Variants in ATG2B observed in about 807,000 individuals in gnomAD.
The protein encoded by ATG2B is autophagy related 2B.
Under a neutral mutation model 241.3 loss-of-function variants are expected in ATG2B, and 121 were observed. The ratio of observed to expected loss-of-function variants is 0.50; its 90% CI spans 0.43 to 0.58. The LOEUF is 0.58. Ranked by LOEUF, ATG2B falls within the 20% of genes least tolerant of loss-of-function variation. ATG2B has a pLI of 0.00. For synonymous variants in ATG2B, 858 were observed against 876.6 expected (o/e 0.98, Z 0.37); for missense variants, 2,306 against 2,491.6 (o/e 0.93, Z 1.59).
chr14:96,292,716 A>C (rs1340178866), intron 36 of ATG2B, among the ~76,000 whole-genome samples: 3 of 152,224 alleles, frequency 2.0e-5, no homozygotes, highest in African/African-American at 7.2e-5. Context: ...CCTTGAAACT[A>C]ATGATTCTAA....
intron 16 of ATG2B, among the ~76,000 whole-genome samples, chr14:96,323,157 G>A (rs1292277265): frequency 3.3e-5 from 5 of 152,020 alleles, no homozygotes; most frequent in Non-Finnish European, 5.9e-5. Context: ...AAGGGAAAAG[G>A]GAGAAGCTGA....
At position 96,362,909 on chromosome 14, in the gene ATG2B, C is replaced by T; in HGVS notation, c.68G>A (p.Gly23Asp). Residue 23 changes from glycine to aspartate, a missense_variant, in exon 1 of 42, where the codon GGC (glycine) becomes GAC (aspartate). This residue lies in a region of ATG2B where 1,927 missense variants were observed against 2,011.2 expected (regional missense o/e 0.96). Transcript: ENST00000359933. Reference sequence around the variant, plus strand: ...GCTCAGCTTCTCCTGCAGAAAGTGGCCCAGGTACCTCTGCAGGAGGTACCG... The same window carrying T: ...GCTCAGCTTCTCCTGCAGAAAGTGGTCCAGGTACCTCTGCAGGAGGTACCG... ...ACRYLLQRYL[G>D]HFLQEKLSLE... The T allele has an allele frequency of 6.2e-7, 1 of 1,613,656 alleles. No individual in the cohort carries two copies. Among genetic ancestry groups the T allele is most frequent in the Non-Finnish European group, 8.5e-7 (1 of 1,179,994 alleles).
chr14:96,354,094 T>C (rs541438982), intron 1 of ATG2B, among the ~76,000 whole-genome samples: 1 of 152,346 alleles, frequency 6.6e-6, no homozygotes, highest in Non-Finnish European at 1.5e-5. Context: ...ATTTCAGAGA[T>C]AATTGAGCAA....
At position 96,363,145 on chromosome 14, in the gene ATG2B, G is replaced by T. The variant is rs772634312; in HGVS notation, c.-169C>A. 11 of 684,218 alleles carry T rather than the reference G, an allele frequency of 1.6e-5. No homozygotes were observed. Among genetic ancestry groups the T allele is most frequent in the Non-Finnish European group, 2.4e-5 (10 of 409,300 alleles). 42.4% of individuals were successfully genotyped at this position (684,218 alleles called of 1,614,324 possible). Reference sequence around the variant, plus strand: ...GAGACCCCATCGCCGGCGCCGCACCGCTCGCGCTGGGCCTGGCGGAGGCAA... The same window carrying T: ...GAGACCCCATCGCCGGCGCCGCACCTCTCGCGCTGGGCCTGGCGGAGGCAA... On this transcript the variant is annotated 5_prime_UTR_variant, in exon 1 of 42. Transcript: ENST00000359933.
At chr14:96,357,019 C>T (rs1248939741) in intron 1 of ATG2B, among the ~76,000 whole-genome samples, 3 of 152,086 alleles carry the variant, frequency 2.0e-5, no homozygotes, top group African/African-American at 7.2e-5. Flanking sequence ...GCCATCAACC[C>T]CATTTTCTCT....
intron 21 of ATG2B, among the ~76,000 whole-genome samples, chr14:96,315,968 C>A (rs1048195255): frequency 8.6e-5 from 13 of 152,046 alleles, no homozygotes; most frequent in Non-Finnish European, 1.3e-4. Context: ...TGAATGGATA[C>A]ATAAGATGTG....
chr14:96,305,656 C>A lies in ATG2B; in HGVS notation c.4666G>T (p.Val1556Phe). 6.2e-7 allele frequency: 1 copy of A among 1,614,140 alleles called. No individual in the cohort carries two copies. The highest frequency in any genetic ancestry group is 8.5e-7 in the Non-Finnish European group (1 of 1,180,014). Residue 1556 changes from valine (V) to phenylalanine (F), a missense_variant, in exon 31 of 42, where the codon GTC (valine) becomes TTC (phenylalanine). Val to Phe is a conservative substitution (Grantham distance 50, BLOSUM62 -1). This residue lies in a region of ATG2B where 1,927 missense variants were observed against 2,011.2 expected (regional missense o/e 0.96). Transcript: ENST00000359933. Reference protein sequence around the residue: ...IRYVVKEVSLVWHLYGGKDFG... With the variant: ...IRYVVKEVSLFWHLYGGKDFG... ...TCCTTTCCTCCATAAAGATGCCAGA[C>A]AAGAGAGACCTCCTTCACCACATAG...
chr14:96,303,728 C>T (rs532227974), intron 32 of ATG2B, among the ~76,000 whole-genome samples: 7 of 152,210 alleles, frequency 4.6e-5, no homozygotes, highest in Non-Finnish European at 1.0e-4. Context: ...GAGGCTATTA[C>T]CATGTATGTC....
At chr14:96,325,620 G>A (rs773362686) in intron 15 of ATG2B, 29 bp downstream of exon 15, 3 of 1,587,408 alleles carry the variant, frequency 1.9e-6, no homozygotes, top group Admixed American at 1.8e-5. Context: ...TATCTAGGAT[G>A]GTTCTTTTAC....
chr14:96,342,208 T>C (rs1255165855), intron 5 of ATG2B, among the ~76,000 whole-genome samples: 4 of 151,090 alleles, frequency 2.6e-5, no homozygotes, highest in African/African-American at 9.7e-5. Flanking sequence ...AAAAAAAAAT[T>C]AGACGTTAAT....
At chr14:96,342,536 A>G (rs1018299610) in intron 5 of ATG2B, among the ~76,000 whole-genome samples, 24 of 152,082 alleles carry the variant, frequency 1.6e-4, no homozygotes, top group African/African-American at 5.6e-4. Flanking sequence ...AGCCTGGCCA[A>G]CGTTGCGAAA....
intron 35 of ATG2B, 79 bp downstream of exon 35, chr14:96,295,403 C>T: frequency 9.8e-7 from 1 of 1,020,882 alleles, no homozygotes; most frequent in Non-Finnish European, 1.4e-6. Flanking sequence ...ATTGTAAGTA[C>T]ATTCTCAAAA....
chr14:96,295,872 T>C (rs573027677), intron 34 of ATG2B, among the ~76,000 whole-genome samples: 9 of 152,306 alleles, frequency 5.9e-5, no homozygotes, highest in African/African-American at 1.9e-4. Flanking sequence ...AAAGTACATT[T>C]GAGTTTTCTT....
chr14:96,355,946 G>C (rs1407135638), intron 1 of ATG2B, among the ~76,000 whole-genome samples: 3 of 151,966 alleles, frequency 2.0e-5, no homozygotes, highest in Non-Finnish European at 2.9e-5. Flanking sequence ...CAGAGGCGGG[G>C]GAACACAAGA....
chr14:96,328,794 A>T, intron 12 of ATG2B, 28 bp from the exon 13 acceptor site: 1 of 1,524,244 alleles, frequency 6.6e-7, no homozygotes, highest in Non-Finnish European at 9.0e-7. Flanking sequence ...AGATAAATTA[A>T]ATGTATTAAT....
intron 36 of ATG2B, 38 bp from the exon 37 acceptor site, chr14:96,292,136 A>C: frequency 7.7e-7 from 1 of 1,292,858 alleles, no homozygotes; most frequent in Non-Finnish European, 1.1e-6. Context: ...TTACATTTAC[A>C]ATTACTAATA....
chr14:96,319,328 C>G (rs181151530), intron 18 of ATG2B, among the ~76,000 whole-genome samples: 1 of 152,114 alleles, frequency 6.6e-6, no homozygotes, highest in Non-Finnish European at 1.5e-5. Context: ...GAAAACAATG[C>G]TTAAGATACA....
At position 96,295,097 on chromosome 14, in the gene ATG2B, A is replaced by AT. The variant is rs752104295; in HGVS notation, c.5288dup (p.Asn1763LysfsTer16). The AT allele has an allele frequency of 6.2e-7, 1 of 1,614,192 alleles. No individual in the cohort carries two copies. Among genetic ancestry groups the AT allele is most frequent in the Non-Finnish European group, 8.5e-7 (1 of 1,180,036 alleles). The stretch of plus-strand genomic sequence containing the variant: ...TTGGCCCAGAGAAAGAAATAACCAG[A>AT]TTTGGCTCCTTTGAGGTACTCAAAT... On this transcript the variant is annotated frameshift_variant, in exon 36 of 42. Transcript: ENST00000359933. LOFTEE classifies it high-confidence loss of function.
chr14:96,340,076 TG>T (rs1178659594), intron 6 of ATG2B, among the ~76,000 whole-genome samples: 17 of 114,198 alleles, frequency 1.5e-4, no homozygotes, highest in Non-Finnish European at 1.0e-4. Context: ...ATATGTGATA[TG>T]ATATATATGA....
Sources: gnomAD v4.1 joint callset for allele counts (sites outside exome capture counted in the v4.1 genomes callset) on GRCh38, gnomAD v4.1.1 for gene constraint, gnomAD v4.1.1 regional missense constraint, MANE v1.5 for transcripts, NCBI Gene and HGNC (gene_info 2026-07-23, HGNC 2026-07-21) for gene names.